ADGRF5: variants seen among roughly 807,000 people sequenced by gnomAD.
ADGRF5 encodes adhesion G protein-coupled receptor F5.
A neutral mutation model predicts 132.3 loss-of-function variants in ADGRF5; 75 were observed. The ratio of observed to expected loss-of-function variants is 0.57; its 90% CI spans 0.47 to 0.69. ADGRF5 has a LOEUF of 0.69. Among genes scored for constraint, ADGRF5 ranks in the 30% least tolerant of loss-of-function variants. ADGRF5 has a pLI of 0.00. For missense variants in ADGRF5, 1,516 were observed against 1,630.6 expected, an observed-to-expected ratio of 0.93 and a Z score of 1.21; for synonymous variants, 629 against 597.6, an observed-to-expected ratio of 1.05 and a Z score of -0.77.
At chr6:46,943,151 C>CA (rs141970567) in intron 1 of ADGRF5, among the ~76,000 whole-genome samples, 13,323 of 141,750 alleles carry the variant, frequency 0.094, 626 homozygotes, top group African/African-American at 0.1. Flanking sequence ...CTTACACATA[C>CA]AAAAAAAAAA....
At chr6:46,877,254 T>TCTTC (rs1771805432) in intron 10 of ADGRF5, among the ~76,000 whole-genome samples, 1 of 34,484 alleles carries the variant, frequency 2.9e-5, no homozygotes, top group Admixed American at 2.2e-4. Flanking sequence ...TTTCTTTCTT[T>TCTTC]CTTTCTTTCT....
rs1769019883 is a variant in ADGRF5 at position 46,856,130 on chromosome 6, G to T, written c.3877-72C>A. 7 of 866,496 alleles carry T rather than the reference G, an allele frequency of 8.1e-6. No individual in the cohort carries two copies. The South Asian group carries it at 8.4e-5, about 10-fold the overall frequency. The allele number at this position is 866,496 out of a possible 1,614,324, so 53.7% of individuals were successfully genotyped here. On this transcript the variant is annotated intron_variant, in intron 19 of 20. Transcript: ENST00000283296. ...CCAAAGCTGTTTCCATCTCTAGAAG[G>T]ATTGATTTTCCACCCTCTAGTGGTC...
rs1365572250 is a variant in ADGRF5 at position 46,856,778 on chromosome 6, C to G, written c.3817-1G>C. 1.3e-6 allele frequency: 2 copies of G among 1,594,486 alleles called. No homozygotes were observed. Among genetic ancestry groups the G allele is most frequent in the African/African-American group, 2.7e-5 (2 of 74,666 alleles). Reference sequence around the variant, plus strand: ...ACTTATTCAGCAAAGCTTCCTGTACCTGCATTGTTAAAAAGAAGCTATCGT... The same window carrying G: ...ACTTATTCAGCAAAGCTTCCTGTACGTGCATTGTTAAAAAGAAGCTATCGT... On this transcript the variant is annotated splice_acceptor_variant, in intron 18 of 20. Coordinates refer to ENST00000283296, the MANE Select transcript of ADGRF5 (RefSeq NM_001098518.2). LOFTEE classifies it high-confidence loss of function.
chr6:46,901,458 G>T, intron 2 of ADGRF5, among the ~76,000 whole-genome samples: 1 of 152,140 alleles, frequency 6.6e-6, no homozygotes, highest in East Asian at 1.9e-4. Context: ...TGCCGTCAGG[G>T]TTGTCTACCA....
At chr6:46,954,905 A>G (rs1329858822) in exon 1 of ADGRF5, 1 of 143,194 alleles carries the variant, frequency 7.0e-6, no homozygotes, top group Non-Finnish European at 1.5e-5. Flanking sequence ...GCGGGTTCCC[A>G]GGCTGTCGGG....
chr6:46,874,202 T>A (rs1291314533), intron 10 of ADGRF5, among the ~76,000 whole-genome samples: 1 of 152,196 alleles, frequency 6.6e-6, no homozygotes, highest in African/African-American at 2.4e-5. Context: ...TTATTCACAG[T>A]GTGATTCCAA....
intron 1 of ADGRF5, among the ~76,000 whole-genome samples, chr6:46,933,948 G>A (rs1033120986): frequency 6.6e-6 from 1 of 152,170 alleles, no homozygotes; most frequent in Non-Finnish European, 1.5e-5. Context: ...GGAATATTAA[G>A]GGAGGGAAAA....
At position 46,868,862 on chromosome 6, in the gene ADGRF5, G is replaced by A. The variant is rs375778243; in HGVS notation, c.1621+21C>T. 3.1e-5 allele frequency: 46 copies of A among 1,482,260 alleles called. 1 individual carries two copies. Among genetic ancestry groups the A allele is most frequent in the South Asian group, 3.0e-4 (26 of 87,150 alleles). 91.8% of individuals were successfully genotyped at this position (1,482,260 alleles called of 1,614,324 possible). On this transcript the variant is annotated intron_variant, in intron 12 of 20. Transcript: ENST00000283296. ...TCCAAGAGCCCAGGCAGCACAATACGGTGTCCGGCCTTTCACTCACCATTC... is the reference window on the plus strand; with the variant it reads ...TCCAAGAGCCCAGGCAGCACAATACAGTGTCCGGCCTTTCACTCACCATTC...
intron 1 of ADGRF5, 132 bp from the exon 2 acceptor site, chr6:46,906,918 G>A: frequency 1.6e-6 from 1 of 638,808 alleles, no homozygotes; most frequent in Non-Finnish European, 2.8e-6. Context: ...GGAAGGAGGA[G>A]CATGAAGGAA....
chr6:46,909,407 T>C (rs926944999), intron 1 of ADGRF5, among the ~76,000 whole-genome samples: 25 of 152,244 alleles, frequency 1.6e-4, no homozygotes, highest in African/African-American at 5.8e-4. Context: ...AAATATGCCC[T>C]AGCCCTCAGT....
chr6:46,884,337 A>G lies in ADGRF5; in HGVS notation c.329-66T>C, dbSNP rs1772824890. Reference sequence around the variant, plus strand: ...AGGTGGTCACCATATTTGTATTTATAGCCTGCAGGTATTCATTCTTGAAGA... The same window carrying G: ...AGGTGGTCACCATATTTGTATTTATGGCCTGCAGGTATTCATTCTTGAAGA... On this transcript the variant is annotated intron_variant, in intron 4 of 20. Transcript: ENST00000283296. 3.2e-6 allele frequency: 4 copies of G among 1,253,462 alleles called. No homozygotes were observed. In the Admixed American group the frequency reaches 7.7e-5, roughly 24 times the overall value. 77.6% of individuals were successfully genotyped at this position (1,253,462 alleles called of 1,614,324 possible). A position where few individuals can be genotyped will look rare whatever the true frequency, so the allele number is the denominator to read the frequency against.
In ADGRF5 at chr6:46,869,020, T is replaced by A; in HGVS notation, c.1484A>T (p.Asp495Val). Residue 495 changes from aspartate to valine, a missense_variant, in exon 12 of 21, where the codon GAT (aspartate) becomes GTT (valine). Asp to Val is a radical substitution (Grantham distance 152, BLOSUM62 -3). This residue lies in a region of ADGRF5 where 945 missense variants were observed against 929.4 expected (regional missense o/e 1.02). Coordinates refer to ENST00000283296, the MANE Select transcript of ADGRF5 (RefSeq NM_001098518.2). ...ATAAACCTCATCATAGTTACTCACATCACTGATGCATTTTATAGAAAAGTT... is the reference window on the plus strand; with the variant it reads ...ATAAACCTCATCATAGTTACTCACAACACTGATGCATTTTATAGAAAAGTT... ...GQNFSIKCIS[D>V]VSNYDEVYWN... 1 of 1,613,586 alleles carries A rather than the reference T, an allele frequency of 6.2e-7. No individual in the cohort carries two copies. Among genetic ancestry groups the A allele is most frequent in the South Asian group, 1.1e-5 (1 of 91,048 alleles).
chr6:46,862,767 A>G, intron 15 of ADGRF5, 121 bp downstream of exon 15: 1 of 547,538 alleles, frequency 1.8e-6, no homozygotes, highest in African/African-American at 2.1e-5. Flanking sequence ...AAATACACAA[A>G]TAAAAGTAGT....
Position 46,858,288 on chromosome 6 carries a change from C to T in ADGRF5, c.3615G>A (p.Lys1205=), listed in dbSNP as rs1478120374. Residue 1205 remains lysine, a synonymous_variant, in exon 17 of 21, where the codon AAG becomes AAA. Transcript: ENST00000283296. The stretch of plus-strand genomic sequence containing the variant: ...GGCTGCTCTTCTCCTGCTTGCATGG[C>T]TTGTCTCCAATGGAAGGCCTCAGGA... ...TKILRPSIGD[K]PCKQEKSSLF... 5.6e-6 allele frequency: 9 copies of T among 1,614,060 alleles called. No individual in the cohort carries two copies. The highest frequency in any genetic ancestry group is 6.8e-6 in the Non-Finnish European group (8 of 1,180,022).
At chr6:46,907,062 A>G (rs772743014) in intron 1 of ADGRF5, among the ~76,000 whole-genome samples, 28 of 152,238 alleles carry the variant, frequency 1.8e-4, no homozygotes, top group Non-Finnish European at 3.7e-4. Flanking sequence ...ATACTTACAC[A>G]TAATTTATGA....
At chr6:46,924,424 G>T (rs189496237), upstream of ADGRF5, among the ~76,000 whole-genome samples, 1 of 152,284 alleles carries the variant, frequency 6.6e-6, no homozygotes, top group East Asian at 1.9e-4. Context: ...ATAAAAGCAA[G>T]CAAAATTAAA....
chr6:46,893,763 A>G (rs1467326155), intron 3 of ADGRF5, among the ~76,000 whole-genome samples: 1 of 152,088 alleles, frequency 6.6e-6, no homozygotes, highest in African/African-American at 2.4e-5. Context: ...CCCTATGTGG[A>G]AGGTAGCCAA....
chr6:46,916,663 C>T (rs1776439942), intron 1 of ADGRF5, among the ~76,000 whole-genome samples: 1 of 152,186 alleles, frequency 6.6e-6, no homozygotes. Flanking sequence ...AACACAACAG[C>T]AGGGAATTTA....
rs776063702 is a variant in ADGRF5 at position 46,868,917 on chromosome 6, T to C, written c.1587A>G (p.Val529=). Residue 529 remains valine, a synonymous_variant, in exon 12 of 21, where the codon GTA becomes GTG. Coordinates refer to ENST00000283296, the MANE Select transcript of ADGRF5 (RefSeq NM_001098518.2). ...CCCTGGTCGAGGTCTTGACTGTCAG[T>C]ACTGATTCTGCTCCATCAAGATACC... ...TRRYLDGAES[V]LTVKTSTREW... The C allele has an allele frequency of 1.0e-4, 164 of 1,613,238 alleles. No individual in the cohort carries two copies. Among genetic ancestry groups the C allele is most frequent in the Non-Finnish European group, 1.4e-4 (160 of 1,179,286 alleles).
Sources: gnomAD v4.1 joint callset for allele counts (sites outside exome capture counted in the v4.1 genomes callset) on GRCh38, gnomAD v4.1.1 for gene constraint, gnomAD v4.1.1 regional missense constraint, MANE v1.5 for transcripts, NCBI Gene and HGNC (gene_info 2026-07-23, HGNC 2026-07-21) for gene names.